The following FGF14 variants were observed in gnomAD, a reference collection of about 807,000 sequenced individuals.
FGF14 encodes the protein fibroblast growth factor 14, also known as fibroblast growth factor homologous factor 4.
FGF14 carries 5 observed loss-of-function variants against 25.5 expected under a neutral mutation model. The observed-to-expected ratio is 0.20, with a 90% CI of 0.10 to 0.41. The LOEUF (loss-of-function observed/expected upper bound fraction) is 0.41, where lower values mean the gene tolerates loss of function less well. Ranked by LOEUF, FGF14 falls within the 10% of genes least tolerant of loss-of-function variation. The probability of loss-of-function intolerance (pLI) is 1.00; values close to 1 mark genes in which losing one functional copy is unlikely to be tolerated. For synonymous variants in FGF14, 138 were observed against 118.3 expected (o/e 1.17, Z -1.08); for missense variants, 222 against 320.1 (o/e 0.69, Z 2.34).
intron 1 of FGF14, among the ~76,000 whole-genome samples, chr13:102,289,196 C>G (rs73569772): frequency 0.039 from 5,948 of 152,150 alleles, 392 homozygotes; most frequent in African/African-American, 0.13. Context: ...AAGAATTAAA[C>G]AAAAAGTGAT....
chr13:102,381,626 T>C (rs1031698191), intron 1 of FGF14, among the ~76,000 whole-genome samples: 3 of 152,200 alleles, frequency 2.0e-5, no homozygotes, highest in African/African-American at 7.2e-5. Context: ...TAAAACATGT[T>C]CTAGTTTCAA....
At chr13:102,288,105 T>A (rs759522455) in intron 1 of FGF14, among the ~76,000 whole-genome samples, 1 of 152,232 alleles carries the variant, frequency 6.6e-6, no homozygotes, top group Non-Finnish European at 1.5e-5. Flanking sequence ...TTATTTTATT[T>A]CAATACTACT....
chr13:102,271,731 C>T (rs2053256872), intron 1 of FGF14, among the ~76,000 whole-genome samples: 1 of 152,144 alleles, frequency 6.6e-6, no homozygotes, highest in Non-Finnish European at 1.5e-5. Context: ...TCGCTATCAT[C>T]GAGCACTTTT....
chr13:101,924,699 G>A (rs2034246776), intron 1 of FGF14, among the ~76,000 whole-genome samples: 1 of 152,146 alleles, frequency 6.6e-6, no homozygotes, highest in African/African-American at 2.4e-5. Context: ...CTAGTGAAGT[G>A]GACATCATGA....
chr13:102,348,224 G>T (rs1295357341), intron 1 of FGF14, among the ~76,000 whole-genome samples: 1 of 152,120 alleles, frequency 6.6e-6, no homozygotes, highest in East Asian at 1.9e-4. Flanking sequence ...TACTATAGTC[G>T]AAATAGCATA....
At chr13:102,095,005 G>A (rs1179174558) in intron 1 of FGF14, among the ~76,000 whole-genome samples, 1 of 152,082 alleles carries the variant, frequency 6.6e-6, no homozygotes. Flanking sequence ...CTATGGAAGA[G>A]AGCTCAAATA....
chr13:102,398,291 G>A (rs1020742262), intron 1 of FGF14, among the ~76,000 whole-genome samples: 5 of 152,070 alleles, frequency 3.3e-5, no homozygotes, highest in Non-Finnish European at 7.4e-5. Context: ...GAATAACTTT[G>A]TCCTTAAATT....
At chr13:102,373,478 T>A (rs550880753) in intron 1 of FGF14, 3 of 152,304 alleles carry the variant, frequency 2.0e-5, no homozygotes, top group African/African-American at 7.2e-5. Context: ...AAGGTTCATC[T>A]GAGTCATACC....
At chr13:102,343,480 G>C (rs1364383777) in intron 1 of FGF14, among the ~76,000 whole-genome samples, 1 of 152,188 alleles carries the variant, frequency 6.6e-6, no homozygotes, top group East Asian at 1.9e-4. Flanking sequence ...GCAGGACCTA[G>C]TCTGCCAAGC....
In FGF14 at chr13:102,250,931, A is replaced by C. The variant is rs2052138610; in HGVS notation, c.208+150540T>G. The stretch of plus-strand genomic sequence containing the variant: ...ATATCTTTAGAGTAATTTTTCTGCA[A>C]ATCTTTGCTTAGCTAACCTCATTGA... On this transcript the variant is annotated intron_variant, in intron 1 of 4. Coordinates refer to the FGF14 transcript ENST00000376131. 2.0e-5 allele frequency among the ~76,000 whole-genome samples: 3 copies of C among 152,166 alleles called. No homozygotes were observed. In the South Asian group the frequency reaches 6.2e-4, roughly 32 times the overall value.
At chr13:102,010,994 A>G (rs1318842529) in intron 1 of FGF14, among the ~76,000 whole-genome samples, 1 of 152,212 alleles carries the variant, frequency 6.6e-6, no homozygotes, top group Non-Finnish European at 1.5e-5. Context: ...GAGTATATTT[A>G]GAATAGGTTT....
At chr13:101,768,357 G>T (rs1391287147) in intron 3 of FGF14, among the ~76,000 whole-genome samples, 2 of 151,954 alleles carry the variant, frequency 1.3e-5, no homozygotes, top group Non-Finnish European at 2.9e-5. Flanking sequence ...ATCTTCATGG[G>T]TAGGAAGACT....
At chr13:101,730,285 A>C (rs1213616734) in intron 3 of FGF14, among the ~76,000 whole-genome samples, 2 of 152,160 alleles carry the variant, frequency 1.3e-5, no homozygotes, top group African/African-American at 4.8e-5. Context: ...TGAACCTGAA[A>C]GTTGTTTGTA....
chr13:101,938,305 G>A (rs757858334), intron 1 of FGF14, among the ~76,000 whole-genome samples: 1 of 152,250 alleles, frequency 6.6e-6, no homozygotes, highest in Non-Finnish European at 1.5e-5. Flanking sequence ...CATTGGCATA[G>A]AGAGGGCTGT....
At chr13:101,861,767 A>G (rs540280232) in intron 3 of FGF14, among the ~76,000 whole-genome samples, 33 of 152,174 alleles carry the variant, frequency 2.2e-4, no homozygotes, top group African/African-American at 7.7e-4. Context: ...AGAAAACGCA[A>G]TGACAAATGT....
intron 1 of FGF14, among the ~76,000 whole-genome samples, chr13:102,385,751 G>A (rs554182478): frequency 6.6e-6 from 1 of 152,206 alleles, no homozygotes; most frequent in Non-Finnish European, 1.5e-5. Context: ...AACAGATGGG[G>A]TAAGTGCACA....
At chr13:102,057,554 C>A (rs534589105) in intron 1 of FGF14, among the ~76,000 whole-genome samples, 9 of 152,106 alleles carry the variant, frequency 5.9e-5, no homozygotes, top group Non-Finnish European at 1.3e-4. Context: ...AAGGACCATA[C>A]CTATTTTTTA....
intron 3 of FGF14, among the ~76,000 whole-genome samples, chr13:101,807,680 A>G (rs968021706): frequency 3.9e-5 from 6 of 152,058 alleles, no homozygotes; most frequent in African/African-American, 7.2e-5. Flanking sequence ...TCCAATTTCT[A>G]TAACAGGAAA....
chr13:102,310,018 T>C (rs1594811212), intron 1 of FGF14, among the ~76,000 whole-genome samples: 2 of 152,172 alleles, frequency 1.3e-5, no homozygotes, highest in South Asian at 4.1e-4. Context: ...TCCACAAACA[T>C]CTCTGTGTGA....
Sources: gnomAD v4.1 joint callset for allele counts (sites outside exome capture counted in the v4.1 genomes callset) on GRCh38, gnomAD v4.1.1 for gene constraint, MANE v1.5 for transcripts, NCBI Gene and HGNC (gene_info 2026-07-23, HGNC 2026-07-21) for gene names.